ARNT2: variants seen among roughly 807,000 people sequenced by gnomAD.
ARNT2 encodes aryl hydrocarbon receptor nuclear translocator 2, also known as ARNT protein 2.
A neutral mutation model predicts 91.7 loss-of-function variants in ARNT2; 36 were observed. That is an observed-to-expected ratio of 0.39 (90% CI 0.30 to 0.52). The LOEUF (loss-of-function observed/expected upper bound fraction) is 0.52. ARNT2 is among the 20% of genes least tolerant of loss of function. The pLI is 0.72. For missense variants in ARNT2, 775 were observed against 939.3 expected (o/e 0.83, Z 2.29); for synonymous variants, 365 against 347.1 (o/e 1.05, Z -0.57).
intron 8 of ARNT2, among the ~76,000 whole-genome samples, chr15:80,526,944 C>A (rs1348652374): frequency 2.0e-5 from 3 of 152,224 alleles, no homozygotes; most frequent in Non-Finnish European, 2.9e-5. Context: ...ACTCACAAGG[C>A]ATTGGCTGGA....
chr15:80,425,420 C>G (rs769646213), intron 1 of ARNT2, among the ~76,000 whole-genome samples: 6 of 151,878 alleles, frequency 4.0e-5, no homozygotes, highest in Non-Finnish European at 5.9e-5. Context: ...TACTAAAATT[C>G]CAATTTACTT....
intron 8 of ARNT2, among the ~76,000 whole-genome samples, chr15:80,536,324 G>A (rs1897822338): frequency 6.6e-6 from 1 of 152,182 alleles, no homozygotes; most frequent in South Asian, 2.1e-4. Flanking sequence ...AGATTGGTTG[G>A]ACCAGGTGTG....
intron 2 of ARNT2, among the ~76,000 whole-genome samples, chr15:80,456,700 GT>G (rs1256085474): frequency 1.3e-5 from 2 of 152,122 alleles, no homozygotes; most frequent in Admixed American, 6.5e-5. Flanking sequence ...TAACCTGGGT[GT>G]CCTGTGCCTT....
At chr15:80,557,582 C>G (rs945618905) in intron 11 of ARNT2, among the ~76,000 whole-genome samples, 1 of 152,124 alleles carries the variant, frequency 6.6e-6, no homozygotes, top group African/African-American at 2.4e-5. Context: ...TAACAACTGG[C>G]TGCTACTCCA....
rs191521215 is a variant in ARNT2, at chr15:80,546,633, A to G, written c.878-4566A>G. Among the ~76,000 whole-genome samples the G allele has an allele frequency of 2.6e-5, 4 of 152,324 alleles. No individual in the cohort carries two copies. The East Asian group carries it at 7.7e-4, about 29-fold the overall frequency. On this transcript the variant is annotated intron_variant, in intron 8 of 18. Coordinates refer to ENST00000303329, the MANE Select transcript of ARNT2 (RefSeq NM_014862.4). ...GGAACTGCAAAGGAACATCTCGACT[A>G]GAGACATAGTCTTGGGTCTCATAAA...
chr15:80,411,001 TC>T (rs1346993631), intron 1 of ARNT2, among the ~76,000 whole-genome samples: 1 of 152,134 alleles, frequency 6.6e-6, no homozygotes, highest in Non-Finnish European at 1.5e-5. Flanking sequence ...TTATGTTGTG[TC>T]CCTCTTCTTG....
chr15:80,430,863 A>G (rs940799447), intron 1 of ARNT2, among the ~76,000 whole-genome samples: 2 of 152,044 alleles, frequency 1.3e-5, no homozygotes, highest in Non-Finnish European at 2.9e-5. Context: ...CAAATCCAGC[A>G]CTGATCTTCC....
intron 5 of ARNT2, among the ~76,000 whole-genome samples, chr15:80,501,377 C>G (rs1220784981): frequency 1.3e-5 from 2 of 152,152 alleles, no homozygotes; most frequent in African/African-American, 2.4e-5. Flanking sequence ...AAATAAAGAA[C>G]AGGCATGCAT....
chr15:80,495,118 T>C (rs1478835549), intron 5 of ARNT2, among the ~76,000 whole-genome samples: 2 of 152,168 alleles, frequency 1.3e-5, no homozygotes, highest in African/African-American at 4.8e-5. Context: ...CCTTATTCCA[T>C]GGCCACTGAT....
intron 1 of ARNT2, chr15:80,444,972 GGT>G (rs1595965470): frequency 1.3e-5 from 2 of 150,768 alleles, no homozygotes; most frequent in Admixed American, 1.3e-4. Context: ...GTGTGTGAAT[GGT>G]GTGTGTCGTG....
At chr15:80,446,207 T>A (rs184910750) in intron 1 of ARNT2, among the ~76,000 whole-genome samples, 2 of 152,208 alleles carry the variant, frequency 1.3e-5, no homozygotes, top group East Asian at 3.9e-4. Flanking sequence ...TACATACAGG[T>A]ATAATGTCTG....
chr15:80,407,975 G>A (rs1895624585), intron 1 of ARNT2, among the ~76,000 whole-genome samples: 1 of 151,786 alleles, frequency 6.6e-6, no homozygotes, highest in African/African-American at 2.4e-5. Flanking sequence ...TCTGAGATGA[G>A]TATTTGCAGA....
At chr15:80,587,710 A>G (rs932980146) in intron 17 of ARNT2, among the ~76,000 whole-genome samples, 6 of 152,190 alleles carry the variant, frequency 3.9e-5, no homozygotes, top group Non-Finnish European at 8.8e-5. Context: ...AACACAGTCT[A>G]TCTGGGCTGG....
In ARNT2 at chr15:80,595,581, A is replaced by C. The variant is rs1409959545; in HGVS notation, c.*1883A>C. The C allele has an allele frequency of 6.6e-6, 1 of 152,278 alleles. No individual in the cohort carries two copies. The highest frequency in any genetic ancestry group is 1.5e-5 in the Non-Finnish European group (1 of 68,058). The allele number at this position is 152,278 out of a possible 1,614,324, so 9.4% of individuals were successfully genotyped here. ...CAAAAGTCAAACATTGCTCAGTAAA[A>C]TGCCTTTGGCTGGTCGCCAGCTGTG... On this transcript the variant is annotated 3_prime_UTR_variant, in exon 19 of 19. Transcript: ENST00000303329.
chr15:80,493,514 G>A (rs1331232030), intron 5 of ARNT2, among the ~76,000 whole-genome samples: 2 of 152,172 alleles, frequency 1.3e-5, no homozygotes, highest in African/African-American at 2.4e-5. Flanking sequence ...AGCAGGCTGT[G>A]GCAGCTTTTC....
rs1210951703 is a variant in ARNT2, at chr15:80,494,157, T to C, written c.623-13999T>C. Among the ~76,000 whole-genome samples, 5 of 152,322 alleles carry C rather than the reference T, an allele frequency of 3.3e-5. No homozygotes were observed. In the South Asian group the frequency reaches 1.0e-3, roughly 32 times the overall value. ...GCAACACAAAATGAACTAAGACACA[T>C]GAGCTGCTCATACTCATTTCCAGAC... On this transcript the variant is annotated intron_variant, in intron 5 of 18. Transcript: ENST00000303329.
chr15:80,544,572 A>T (rs1488615053), intron 8 of ARNT2, among the ~76,000 whole-genome samples: 2 of 152,210 alleles, frequency 1.3e-5, no homozygotes, highest in African/African-American at 4.8e-5. Flanking sequence ...ACGACTAAAT[A>T]AAAGTTGCTC....
intron 1 of ARNT2, among the ~76,000 whole-genome samples, chr15:80,415,037 C>G (rs1445713989): frequency 6.6e-6 from 1 of 152,210 alleles, no homozygotes; most frequent in Non-Finnish European, 1.5e-5. Flanking sequence ...TGTAGACCCC[C>G]TCCATTTCTT....
intron 8 of ARNT2, among the ~76,000 whole-genome samples, chr15:80,542,512 G>A (rs1312833897): frequency 6.6e-6 from 1 of 152,104 alleles, no homozygotes; most frequent in Non-Finnish European, 1.5e-5. Context: ...CTCAATATCT[G>A]AGCTGCTAGT....
Sources: gnomAD v4.1 joint callset for allele counts (sites outside exome capture counted in the v4.1 genomes callset) on GRCh38, gnomAD v4.1.1 for gene constraint, MANE v1.5 for transcripts, NCBI Gene and HGNC (gene_info 2026-07-23, HGNC 2026-07-21) for gene names.